The following IPMK variants were observed in gnomAD, a reference collection of about 807,000 sequenced individuals.
IPMK encodes the protein inositol polyphosphate multikinase, also known as inositol 1,3,4,6-tetrakisphosphate 5-kinase.
IPMK carries 17 observed loss-of-function variants against 45.8 expected under a neutral mutation model. That is an observed-to-expected ratio of 0.37 (90% confidence interval 0.25 to 0.56). The LOEUF is 0.56. IPMK is among the 20% of genes least tolerant of loss of function. The probability of loss-of-function intolerance (pLI) is 0.79; values close to 1 mark genes in which losing one functional copy is unlikely to be tolerated. For synonymous variants in IPMK, 180 were observed against 184.3 expected (o/e 0.98, Z 0.19); for missense variants, 399 against 498.0 (o/e 0.80, Z 1.89).
intron 4 of IPMK, among the ~76,000 whole-genome samples, chr10:58,205,509 G>C (rs1182303013): frequency 1.3e-5 from 2 of 152,066 alleles, no homozygotes; most frequent in East Asian, 3.9e-4. Context: ...AAACAAAAAG[G>C]AACAAAGGTT....
chr10:58,200,514 T>C (rs1837982062), intron 4 of IPMK, among the ~76,000 whole-genome samples: 1 of 152,166 alleles, frequency 6.6e-6, no homozygotes, highest in African/African-American at 2.4e-5. Context: ...ATAAGATTAA[T>C]AAGGTAGAAC....
chr10:58,197,482 C>G (rs865973229), intron 5 of IPMK, among the ~76,000 whole-genome samples: 1 of 150,788 alleles, frequency 6.6e-6, no homozygotes, highest in African/African-American at 2.4e-5. Flanking sequence ...AACCTCGTCT[C>G]TACTAAAAAC....
chr10:58,235,631 A>C (rs1338730210), intron 2 of IPMK, among the ~76,000 whole-genome samples: 3 of 152,140 alleles, frequency 2.0e-5, no homozygotes, highest in Non-Finnish European at 4.4e-5. Context: ...TCACTTGGAC[A>C]CAGGGGAACA....
chr10:58,239,695 C>T (rs1269036794), intron 1 of IPMK, among the ~76,000 whole-genome samples: 2 of 152,158 alleles, frequency 1.3e-5, no homozygotes, highest in African/African-American at 2.4e-5. Context: ...GTGGTAATCT[C>T]GGCATTCTCT....
chr10:58,234,123 T>C (rs147179312), intron 2 of IPMK, among the ~76,000 whole-genome samples: 7,502 of 152,110 alleles, frequency 0.049, 445 homozygotes, highest in East Asian at 0.31. Context: ...GTGAAGGACC[T>C]CTTCAAGGAG....
At chr10:58,203,615 C>T (rs1161754302) in intron 4 of IPMK, among the ~76,000 whole-genome samples, 1 of 152,204 alleles carries the variant, frequency 6.6e-6, no homozygotes, top group Non-Finnish European at 1.5e-5. Context: ...TGCCCCTGGC[C>T]TCAGAGTGGC....
chr10:58,231,659 CA>C (rs2132161767), intron 2 of IPMK, among the ~76,000 whole-genome samples: 1 of 152,290 alleles, frequency 6.6e-6, no homozygotes, highest in South Asian at 2.1e-4. Flanking sequence ...GCCTGCCTTA[CA>C]AGAGCTCCTC....
intron 1 of IPMK, among the ~76,000 whole-genome samples, chr10:58,248,283 C>T (rs966532544): frequency 6.6e-6 from 1 of 151,688 alleles, no homozygotes; most frequent in African/African-American, 2.4e-5. Context: ...ATTAAGAATA[C>T]TGTACATTTA....
intron 4 of IPMK, chr10:58,212,862 G>A (rs753564124): frequency 5.6e-5 from 13 of 232,908 alleles, no homozygotes; most frequent in Non-Finnish European, 1.2e-4. Context: ...CTTTGCCCTC[G>A]GGACCTTCAG....
At chr10:58,237,981 T>C (rs1838639577) in intron 1 of IPMK, among the ~76,000 whole-genome samples, 167 bp from the exon 2 acceptor site, 1 of 152,218 alleles carries the variant, frequency 6.6e-6, no homozygotes. Flanking sequence ...TTTCAGTACT[T>C]ATTACAGCAA....
chr10:58,208,849 G>T lies in IPMK; in HGVS notation c.546+7296C>A, dbSNP rs1039457467. On this transcript the variant is annotated intron_variant, in intron 4 of 5. Transcript: ENST00000373935. ...TAGGCAGCAGATGTCGCTAAGGCAG[G>T]TGAGTAGATGTAATACCCAATGGTG... Among the ~76,000 whole-genome samples the T allele has an allele frequency of 2.0e-5, 3 of 152,210 alleles. No individual in the cohort carries two copies. The East Asian group carries it at 5.8e-4, about 29-fold the overall frequency.
chr10:58,213,459 C>T (rs1159760341), intron 4 of IPMK, among the ~76,000 whole-genome samples: 8 of 152,102 alleles, frequency 5.3e-5, no homozygotes, highest in Non-Finnish European at 7.4e-5. Context: ...CCAAGGCGGG[C>T]GGATCACAAG....
Position 58,227,041 on chromosome 10 carries a change from A to G in IPMK, c.373+2T>C. 1 of 1,590,216 alleles carries G rather than the reference A, an allele frequency of 6.3e-7. No individual in the cohort carries two copies. Among genetic ancestry groups the G allele is most frequent in the Non-Finnish European group, 8.6e-7 (1 of 1,160,236 alleles). On this transcript the variant is annotated splice_donor_variant, in intron 3 of 5. Coordinates refer to ENST00000373935, the MANE Select transcript of IPMK (RefSeq NM_152230.5). LOFTEE classifies it high-confidence loss of function. ...GAAAGATAATTTTTATGACAAGATT[A>G]CCGTTTGGTGCAGTGGGAGGTGACC...
At chr10:58,238,842 T>G (rs1043192085) in intron 1 of IPMK, among the ~76,000 whole-genome samples, 3 of 142,332 alleles carry the variant, frequency 2.1e-5, no homozygotes, top group Non-Finnish European at 3.1e-5. Context: ...ATCAAGTTTG[T>G]TTTTTGTTTT....
chr10:58,232,332 C>T (rs1838537289), intron 2 of IPMK, among the ~76,000 whole-genome samples: 2 of 152,132 alleles, frequency 1.3e-5, no homozygotes, highest in South Asian at 2.1e-4. Context: ...AACAAGCAGA[C>T]CTAATAGACA....
At chr10:58,242,540 A>G (rs1311233521) in intron 1 of IPMK, among the ~76,000 whole-genome samples, 1 of 152,110 alleles carries the variant, frequency 6.6e-6, no homozygotes, top group Non-Finnish European at 1.5e-5. Context: ...TGGAAATAGT[A>G]GAAATAAAAT....
At chr10:58,219,818 T>G (rs1838304548) in intron 3 of IPMK, among the ~76,000 whole-genome samples, 1 of 152,254 alleles carries the variant, frequency 6.6e-6, no homozygotes, top group African/African-American at 2.4e-5. Flanking sequence ...AGTTGCAATG[T>G]AAAAATGTAT....
chr10:58,266,266 CACAA>C (rs1422792449), intron 1 of IPMK, among the ~76,000 whole-genome samples: 8 of 152,156 alleles, frequency 5.3e-5, no homozygotes, highest in African/African-American at 1.7e-4. Flanking sequence ...GAGAAAGGCA[CACAA>C]ACAAAGTAGG....
chr10:58,261,783 T>C (rs1396415419), intron 1 of IPMK, among the ~76,000 whole-genome samples: 2 of 152,108 alleles, frequency 1.3e-5, no homozygotes, highest in Non-Finnish European at 2.9e-5. Flanking sequence ...GGTTTTGCCA[T>C]GTTGGCCAGG....
Sources: allele counts gnomAD v4.1 joint callset (sites outside exome capture counted in the v4.1 genomes callset), GRCh38; gene constraint gnomAD v4.1.1; transcripts MANE v1.5; gene names NCBI Gene and HGNC (gene_info 2026-07-23, HGNC 2026-07-21).